Variants in PTPRD observed in about 807,000 individuals in gnomAD.
PTPRD encodes protein tyrosine phosphatase receptor type D, also known as receptor-type tyrosine-protein phosphatase delta.
In PTPRD, 34 loss-of-function variants were observed where a neutral mutation model predicts 214.5. That is an observed-to-expected ratio of 0.16 (90% CI 0.12 to 0.21). The LOEUF (loss-of-function observed/expected upper bound fraction) is 0.21, where lower values mean the gene tolerates loss of function less well. PTPRD is among the 10% of genes least tolerant of loss of function. The pLI, the probability that PTPRD is intolerant of heterozygous loss-of-function variation, is 1.00. For missense variants in PTPRD, 2,545 were observed against 2,398.7 expected (o/e 1.06, Z -1.27); for synonymous variants, 1,128 against 845.7 (o/e 1.33, Z -5.79).
intron 35 of PTPRD, among the ~76,000 whole-genome samples, chr9:8,418,598 C>A (rs2094127438): frequency 6.9e-6 from 1 of 145,040 alleles, no homozygotes; most frequent in Non-Finnish European, 1.5e-5. Context: ...TTAATCATTT[C>A]TTGTCTCAAT....
chr9:10,057,098 A>G (rs1472723361), intron 3 of PTPRD, among the ~76,000 whole-genome samples: 4 of 152,164 alleles, frequency 2.6e-5, no homozygotes, highest in African/African-American at 9.6e-5. Context: ...TTCCCCAAAT[A>G]TCTAACCTTG....
intron 3 of PTPRD, among the ~76,000 whole-genome samples, chr9:10,198,409 C>G (rs2099406500): frequency 1.3e-5 from 2 of 152,066 alleles, no homozygotes; most frequent in Non-Finnish European, 2.9e-5. Context: ...ATCTTACAAC[C>G]ATTGGCCAAG....
intron 5 of PTPRD, among the ~76,000 whole-genome samples, chr9:9,883,125 C>T (rs968961179): frequency 6.6e-6 from 1 of 152,118 alleles, no homozygotes; most frequent in African/African-American, 2.4e-5. Context: ...TTAGGTATTC[C>T]TTTACAGCAA....
chr9:9,966,265 T>C (rs1246952600), intron 4 of PTPRD, among the ~76,000 whole-genome samples: 4 of 152,190 alleles, frequency 2.6e-5, no homozygotes, highest in African/African-American at 9.7e-5. Flanking sequence ...AAAATATATA[T>C]TCTATGCAAT....
chr9:9,042,181 T>C (rs2099642090), intron 10 of PTPRD, among the ~76,000 whole-genome samples: 1 of 152,244 alleles, frequency 6.6e-6, no homozygotes, highest in South Asian at 2.1e-4. Flanking sequence ...CGGTTGTCTC[T>C]GTGAGTCTGC....
chr9:9,946,676 T>A (rs1304604641), intron 4 of PTPRD, among the ~76,000 whole-genome samples: 1 of 152,062 alleles, frequency 6.6e-6, no homozygotes, highest in Non-Finnish European at 1.5e-5. Context: ...GGAGAACAGC[T>A]TGATCAGAGG....
chr9:9,400,419 C>T (rs542328925), intron 8 of PTPRD, among the ~76,000 whole-genome samples: 95 of 115,282 alleles, frequency 8.2e-4, no homozygotes, highest in Non-Finnish European at 1.6e-3. Flanking sequence ...TTGAAAACAC[C>T]AGATAATAGG....
At chr9:9,147,893 T>A (rs1032224089) in intron 10 of PTPRD, among the ~76,000 whole-genome samples, 1 of 152,176 alleles carries the variant, frequency 6.6e-6, no homozygotes. Context: ...TCAGAAATTA[T>A]GGAGGAAGGC....
chr9:10,355,248 T>C (rs2097255667), intron 2 of PTPRD, among the ~76,000 whole-genome samples: 1 of 152,092 alleles, frequency 6.6e-6, no homozygotes, highest in African/African-American at 2.4e-5. Flanking sequence ...TTGTGTGAAA[T>C]TTGTCTTCTT....
At chr9:9,663,868 A>C (rs1158096490) in intron 7 of PTPRD, among the ~76,000 whole-genome samples, 1 of 151,514 alleles carries the variant, frequency 6.6e-6, no homozygotes, top group African/African-American at 2.4e-5. Context: ...TTGTATGTGA[A>C]AAATTAATCT....
intron 11 of PTPRD, among the ~76,000 whole-genome samples, chr9:8,820,752 G>A (rs1007326348): frequency 6.6e-6 from 1 of 151,926 alleles, no homozygotes; most frequent in Admixed American, 6.6e-5. Context: ...CACTTTTTGT[G>A]TATGTATATA....
intron 9 of PTPRD, among the ~76,000 whole-genome samples, chr9:9,258,304 T>C (rs562085612): frequency 6.6e-6 from 1 of 152,072 alleles, no homozygotes; most frequent in South Asian, 2.1e-4. Context: ...CTATTAAATT[T>C]GCAGTAGTAG....
intron 37 of PTPRD, among the ~76,000 whole-genome samples, chr9:8,383,948 C>A (rs906971565): frequency 1.3e-5 from 2 of 152,158 alleles, no homozygotes; most frequent in Admixed American, 6.6e-5. Context: ...ATTTTCTAAG[C>A]ATGAGGTTGA....
At chr9:8,976,762 G>C (rs188411133) in intron 11 of PTPRD, among the ~76,000 whole-genome samples, 33 of 152,162 alleles carry the variant, frequency 2.2e-4, no homozygotes, top group South Asian at 8.3e-4. Context: ...TTTCCTCTCA[G>C]AGTAACGTAA....
chr9:9,779,078 CAAAAAAAAAA>C (rs869120926), intron 5 of PTPRD, among the ~76,000 whole-genome samples: 18 of 45,486 alleles, frequency 4.0e-4, no homozygotes, highest in Admixed American at 6.1e-4. Context: ...ATAAGACTGA[CAAAAAAAAAA>C]AAAAAAAAAA....
intron 10 of PTPRD, among the ~76,000 whole-genome samples, chr9:9,023,656 C>T (rs987318287): frequency 1.8e-4 from 28 of 151,898 alleles, no homozygotes; most frequent in African/African-American, 5.6e-4. Context: ...TCACATCCCC[C>T]GCTCTCCCTC....
intron 12 of PTPRD, among the ~76,000 whole-genome samples, chr9:8,719,380 T>C (rs2098468361): frequency 6.6e-6 from 1 of 152,234 alleles, no homozygotes; most frequent in South Asian, 2.1e-4. Context: ...TTCTTCTAAT[T>C]AATCTGCTCC....
chr9:8,702,226 C>T (rs1162209519), intron 12 of PTPRD, among the ~76,000 whole-genome samples: 1 of 150,932 alleles, frequency 6.6e-6, no homozygotes, highest in Non-Finnish European at 1.5e-5. Flanking sequence ...GACAGAATGG[C>T]TGCCAGATAA....
intron 2 of PTPRD, among the ~76,000 whole-genome samples, chr9:10,462,502 T>C (rs1341476050): frequency 6.6e-6 from 1 of 152,192 alleles, no homozygotes; most frequent in Non-Finnish European, 1.5e-5. Flanking sequence ...TTCAAAAGCC[T>C]GTGCTCTTTA....
Sources: gnomAD v4.1 joint callset for allele counts (sites outside exome capture counted in the v4.1 genomes callset) on GRCh38, gnomAD v4.1.1 for gene constraint, MANE v1.5 for transcripts, NCBI Gene and HGNC (gene_info 2026-07-23, HGNC 2026-07-21) for gene names.